The following PPFIA4 variants were observed in gnomAD, a reference collection of about 807,000 sequenced individuals.
The protein encoded by PPFIA4 is liprin-alpha-4.
A neutral mutation model predicts 145.7 loss-of-function variants in PPFIA4; 98 were observed. That is an observed-to-expected ratio of 0.67 (90% confidence interval 0.57 to 0.80). PPFIA4 has a LOEUF of 0.80. PPFIA4 is among the 30% of genes least tolerant of loss of function. PPFIA4 has a pLI of 0.00. For synonymous variants in PPFIA4, 628 were observed against 649.6 expected, an observed-to-expected ratio of 0.97 and a Z score of 0.51; for missense variants, 1,457 against 1,632.7, an observed-to-expected ratio of 0.89 and a Z score of 1.85.
At chr1:203,067,235 G>C (rs1485331176) in intron 25 of PPFIA4, among the ~76,000 whole-genome samples, 3 of 152,324 alleles carry the variant, frequency 2.0e-5, no homozygotes, top group South Asian at 4.1e-4. Flanking sequence ...AGCAGAGAGA[G>C]CAAGAGGGAG....
In PPFIA4 at chr1:203,075,752, C is replaced by T; in HGVS notation, c.3569C>T (p.Pro1190Leu). Residue 1190 changes from proline (P) to leucine (L), a missense_variant, in exon 29 of 30, where the codon CCT becomes CTT. This residue lies in a region of PPFIA4 where 146 missense variants were observed against 126.2 expected (regional missense o/e 1.16). Transcript: ENST00000295706. This position sits in a 1 kb window ranked among gnomAD's most constrained non-coding sequence, Gnocchi z 4.1. ...PPPAPPKKIMPEAHSHYLYGH... is the reference protein window; with the variant it reads ...PPPAPPKKIMLEAHSHYLYGH... ...CCGGCCCCGCCAAAGAAGATCATGC[C>T]TGAAGGTGAGTAACAGGCGGGCTGG... 7.3e-7 allele frequency: 1 copy of T among 1,370,066 alleles called. No homozygotes were observed. The highest frequency in any genetic ancestry group is 1.5e-5 in the African/African-American group (1 of 65,744). The allele number at this position is 1,370,066 out of a possible 1,614,324, so 84.9% of individuals were successfully genotyped here. A position where few individuals can be genotyped will look rare whatever the true frequency, so the allele number is the denominator to read the frequency against.
intron 25 of PPFIA4, among the ~76,000 whole-genome samples, chr1:203,067,151 G>A (rs747866645): frequency 6.6e-6 from 1 of 152,222 alleles, no homozygotes; most frequent in Non-Finnish European, 1.5e-5. Flanking sequence ...AGCCACCAGT[G>A]CAAAGGCCCT....
chr1:203,067,493 T>A, intron 25 of PPFIA4: 1 of 530,574 alleles, frequency 1.9e-6, no homozygotes, highest in Non-Finnish European at 3.4e-6. Flanking sequence ...AGAGGGAGGA[T>A]ATGGGTTAGA....
chr1:203,046,139 A>T (rs990293096), intron 8 of PPFIA4, 109 bp from the exon 9 acceptor site: 1 of 1,320,330 alleles, frequency 7.6e-7, no homozygotes, highest in Non-Finnish European at 1.0e-6. Flanking sequence ...AACAACCAAG[A>T]TTGTCCCTTG....
chr1:203,061,696 G>T lies in PPFIA4; in HGVS notation c.2874+18G>T. The T allele has an allele frequency of 6.4e-7, 1 of 1,560,142 alleles. No individual in the cohort carries two copies. Among genetic ancestry groups the T allele is most frequent in the Non-Finnish European group, 8.7e-7 (1 of 1,152,008 alleles). ...GGGCTCAGGTAAGACTCCCTACCCT[G>T]TCTAGAACCAGCTCCCAAAACTTCA... On this transcript the variant is annotated intron_variant, in intron 24 of 29. Transcript: ENST00000295706.
At chr1:203,056,760 C>G (rs1173918123) in intron 18 of PPFIA4, 24 bp from the exon 19 acceptor site, 1 of 1,551,116 alleles carries the variant, frequency 6.4e-7, no homozygotes, top group Non-Finnish European at 8.8e-7. Flanking sequence ...CTTATTCCGC[C>G]CCCTTCTGGC....
Position 203,041,604 on chromosome 1 carries a change from G to A in PPFIA4, c.235-1793G>A, listed in dbSNP as rs114023928. The stretch of plus-strand genomic sequence containing the variant: ...AGACCGTCTCCTGTGTTTGTAGACA[G>A]CATTGTGCTTTGGGAGATTTGTAGA... On this transcript the variant is annotated intron_variant, in intron 2 of 29. Coordinates refer to ENST00000295706, the MANE Select transcript of PPFIA4 (RefSeq NM_001304331.2). Among the ~76,000 whole-genome samples, 469 of 152,282 alleles carry A rather than the reference G, an allele frequency of 3.1e-3. 5 individuals carry two copies. The highest frequency in any genetic ancestry group is 0.011 in the African/African-American group (448 of 41,556).
Position 203,048,592 on chromosome 1 carries a change from C to A in PPFIA4, c.1234C>A (p.Arg412=). The A allele has an allele frequency of 6.3e-7, 1 of 1,584,850 alleles. No homozygotes were observed. Among genetic ancestry groups the A allele is most frequent in the East Asian group, 2.3e-5 (1 of 43,230 alleles). Residue 412 remains arginine, a synonymous_variant, in exon 11 of 30, where the codon CGG becomes AGG. Coordinates refer to ENST00000295706, the MANE Select transcript of PPFIA4 (RefSeq NM_001304331.2). This position sits in a 1 kb window ranked among gnomAD's most constrained non-coding sequence, Gnocchi z 5.8. ...KNQELARVRQ[R]EKMNEDHNKR... is the part of the protein sequence containing the mutation. ...GCAGACGGCTGTGCAGGTGCGCCAG[C>A]GGGAAAAGATGAATGAGGACCACAA...
chr1:203,051,988 C>A (rs1010361268), intron 14 of PPFIA4, 111 bp downstream of exon 14: 1 of 1,201,760 alleles, frequency 8.3e-7, no homozygotes, highest in Non-Finnish European at 1.2e-6. Context: ...CCTTCCCTCC[C>A]GTGTCAATGA....
chr1:203,039,117 C>G lies in PPFIA4; in HGVS notation c.109C>G (p.Arg37Gly), dbSNP rs746043857. ...EQLMVNMLDE[R>G]EKLLESLRES... is the part of the protein sequence containing the mutation. ...GCTGATGGTGAACATGCTGGACGAG[C>G]GGGAGAAGTTGCTGGAGTCTCTTCG... Residue 37 changes from arginine (R) to glycine (G), a missense_variant, in exon 2 of 30, where the codon CGG becomes GGG. By Grantham distance (125) the Arg-to-Gly change is moderately radical (BLOSUM62 -2). Around this residue, in one of 3 missense-constraint regions of PPFIA4, gnomAD observed 463 missense variants for 459.8 expected, o/e 1.01. Transcript: ENST00000295706. 1 of 1,607,878 alleles carries G rather than the reference C, an allele frequency of 6.2e-7. No individual in the cohort carries two copies. Among genetic ancestry groups the G allele is most frequent in the South Asian group, 1.1e-5 (1 of 90,178 alleles).
rs367884474 is a variant in PPFIA4 at position 203,076,323 on chromosome 1, T to C, written c.3575-18T>C. On this transcript the variant is annotated intron_variant, in intron 29 of 29. Transcript: ENST00000295706. ...AACCTGCCTCACAGTGCGATGCCTG[T>C]CTCTCTCTCTCCCTCAGCTCACTCC... 205 of 1,590,678 alleles carry C rather than the reference T, an allele frequency of 1.3e-4. No individual in the cohort carries two copies. In the African/African-American group the frequency reaches 2.4e-3, roughly 18 times the overall value.
chr1:203,032,430 T>TTTTTTTTTTTTTTTTTTTTG (rs57892403), intron 1 of PPFIA4, among the ~76,000 whole-genome samples: 1 of 139,382 alleles, frequency 7.2e-6, no homozygotes, highest in Admixed American at 7.4e-5. Context: ...TCCCCGCTTT[T>TTTTTTTTTTTTTTTTTTTTG]TTGTTGTTGT....
At chr1:203,061,804 G>C in intron 24 of PPFIA4, 126 bp downstream of exon 24, 1 of 993,648 alleles carries the variant, frequency 1.0e-6, no homozygotes, top group Non-Finnish European at 1.4e-6. Context: ...TAGGTTCTCT[G>C]CTCCCATCAG....
rs772532881 is a variant in PPFIA4, at chr1:203,043,365, C to T, written c.235-32C>T. 1.3e-6 allele frequency: 2 copies of T among 1,577,922 alleles called. No individual in the cohort carries two copies. The highest frequency in any genetic ancestry group is 1.1e-5 in the South Asian group (1 of 86,982). On this transcript the variant is annotated intron_variant, in intron 2 of 29. Coordinates refer to ENST00000295706, the MANE Select transcript of PPFIA4 (RefSeq NM_001304331.2). The surrounding 1 kb of genome is among the most constrained non-coding windows in gnomAD (Gnocchi z 4.4). ...CAGGACACTGCTTTGGGGGTGAATC[C>T]TGAAGCACTGAGGGGCCTTGGGGGT...
At chr1:203,035,578 G>T (rs375945921) in intron 1 of PPFIA4, 4 of 456,640 alleles carry the variant, frequency 8.8e-6, no homozygotes, top group South Asian at 1.5e-5. Flanking sequence ...ACTCCTCCCC[G>T]GCAAAGCCCC....
intron 12 of PPFIA4, among the ~76,000 whole-genome samples, 188 bp from the exon 13 acceptor site, chr1:203,049,488 G>T (rs944054930): frequency 1.3e-5 from 2 of 152,196 alleles, no homozygotes; most frequent in African/African-American, 4.8e-5. Context: ...CTCACTCTCT[G>T]GTTGGACCTC....
chr1:203,067,385 T>G, intron 25 of PPFIA4: 1 of 331,886 alleles, frequency 3.0e-6, no homozygotes, highest in African/African-American at 2.1e-5. Context: ...GTGGTAGGGG[T>G]CTTTGTCGTT....
Position 203,045,428 on chromosome 1 carries a change from A to G in PPFIA4, c.727A>G (p.Ser243Gly). 6.2e-7 allele frequency: 1 copy of G among 1,609,530 alleles called. No homozygotes were observed. Among genetic ancestry groups the G allele is most frequent in the Non-Finnish European group, 8.5e-7 (1 of 1,178,644 alleles). Residue 243 changes from serine to glycine, a missense_variant, in exon 7 of 30, where the codon AGC (serine) becomes GGC (glycine). By Grantham distance (56) the Ser-to-Gly change is moderately conservative (BLOSUM62 0). This residue lies in a region of PPFIA4 where 463 missense variants were observed against 459.8 expected (regional missense o/e 1.01). Coordinates refer to ENST00000295706, the MANE Select transcript of PPFIA4 (RefSeq NM_001304331.2). ...CCTGGAGAAGCAGAACTTTGAGTTG[A>G]GCCAGGCCCGGGAGCGACTGGTCAC... ...ELLEKQNFELSQARERLVTLT... is the reference protein window; with the variant it reads ...ELLEKQNFELGQARERLVTLT...
chr1:203,049,086 G>A, intron 12 of PPFIA4, 106 bp downstream of exon 12: 1 of 1,060,098 alleles, frequency 9.4e-7, no homozygotes, highest in Non-Finnish European at 1.4e-6. Flanking sequence ...CAGTGTTAGT[G>A]CATATGTTAG....
Sources: gnomAD v4.1 joint callset for allele counts (sites outside exome capture counted in the v4.1 genomes callset) on GRCh38, gnomAD v4.1.1 for gene constraint, gnomAD v4.1.1 regional missense constraint, Gnocchi (gnomAD v3.1) non-coding constraint, MANE v1.5 for transcripts, NCBI Gene and HGNC (gene_info 2026-07-23, HGNC 2026-07-21) for gene names.